Variants in GAB2 observed in about 807,000 individuals in gnomAD.
GAB2 encodes the protein GRB2 associated binding protein 2.
GAB2 carries 26 observed loss-of-function variants against 65.5 expected under a neutral mutation model. The ratio of observed to expected loss-of-function variants is 0.40; its 90% CI spans 0.29 to 0.55. GAB2 has a LOEUF of 0.55. GAB2 is among the 20% of genes least tolerant of loss of function. The pLI is 0.53. For missense variants in GAB2, 884 were observed against 875.8 expected (o/e 1.01, Z -0.12); for synonymous variants, 321 against 329.6 (o/e 0.97, Z 0.28).
At chr11:78,245,629 A>C (rs1865273429) in intron 3 of GAB2, among the ~76,000 whole-genome samples, 1 of 152,218 alleles carries the variant, frequency 6.6e-6, no homozygotes. Flanking sequence ...TGAAAACCTC[A>C]CTAGACATTG....
At chr11:78,262,727 AT>A (rs912602324) in intron 2 of GAB2, among the ~76,000 whole-genome samples, 36 of 152,320 alleles carry the variant, frequency 2.4e-4, no homozygotes, top group African/African-American at 8.7e-4. Flanking sequence ...GGTTTTTAAA[AT>A]TGCAGTCCAA....
At chr11:78,247,498 G>T (rs1865330485) in intron 3 of GAB2, among the ~76,000 whole-genome samples, 1 of 152,110 alleles carries the variant, frequency 6.6e-6, no homozygotes, top group African/African-American at 2.4e-5. Flanking sequence ...TCTCTTTCTA[G>T]ATACTGAGTT....
At chr11:78,301,775 T>C (rs1232612821) in intron 1 of GAB2, among the ~76,000 whole-genome samples, 2 of 152,196 alleles carry the variant, frequency 1.3e-5, no homozygotes, top group Non-Finnish European at 2.9e-5. Context: ...AGGCATCACA[T>C]TACCTGATTT....
At chr11:78,291,553 T>C (rs188546425) in intron 1 of GAB2, among the ~76,000 whole-genome samples, 1 of 101,300 alleles carries the variant, frequency 9.9e-6, no homozygotes, top group East Asian at 2.2e-4. Context: ...ACTTACTTTT[T>C]TCTTTTTCTT....
At chr11:78,344,077 C>A (rs55655125) in intron 1 of GAB2, among the ~76,000 whole-genome samples, 1 of 151,994 alleles carries the variant, frequency 6.6e-6, no homozygotes, top group Non-Finnish European at 1.5e-5. Context: ...CAAGGAGTTA[C>A]AAAGTTTAAC....
At chr11:78,350,028 CTT>C (rs1199484397) in intron 1 of GAB2, among the ~76,000 whole-genome samples, 1 of 152,054 alleles carries the variant, frequency 6.6e-6, no homozygotes, top group African/African-American at 2.4e-5. Context: ...TTCTTATTCT[CTT>C]TGAGTTGGCT....
At chr11:78,242,387 A>G (rs1865158306) in intron 3 of GAB2, among the ~76,000 whole-genome samples, 2 of 152,180 alleles carry the variant, frequency 1.3e-5, no homozygotes, top group Admixed American at 1.3e-4. Flanking sequence ...CTGTAGTCCC[A>G]GCTACACAGG....
intron 1 of GAB2, among the ~76,000 whole-genome samples, chr11:78,407,744 AAGAAAAAG>A (rs1485160112): frequency 6.6e-6 from 1 of 151,580 alleles, no homozygotes; most frequent in African/African-American, 2.4e-5. Context: ...GAAAGAAAGA[AAGAAAAAG>A]AAAGAAAGAA....
At chr11:78,414,087 C>CAAA (rs34915163) in intron 1 of GAB2, among the ~76,000 whole-genome samples, 184 of 83,258 alleles carry the variant, frequency 2.2e-3, no homozygotes, top group Middle Eastern at 6.9e-3. Context: ...AACTCTGTCT[C>CAAA]AAAAAAAAAA....
At chr11:78,324,810 G>T (rs2458640) in intron 1 of GAB2, 85,120 of 152,120 alleles carry the variant, frequency 0.56, 28,669 homozygotes, top group Non-Finnish European at 0.78. Flanking sequence ...TTATGCCTCT[G>T]GATAAAACTC....
At chr11:78,354,326 T>C (rs901599438) in intron 1 of GAB2, among the ~76,000 whole-genome samples, 11 of 152,182 alleles carry the variant, frequency 7.2e-5, no homozygotes, top group African/African-American at 2.7e-4. Flanking sequence ...AAGTATTAAT[T>C]CATAAATTGT....
chr11:78,248,928 C>G (rs1865371053), intron 3 of GAB2, among the ~76,000 whole-genome samples: 1 of 152,198 alleles, frequency 6.6e-6, no homozygotes, highest in African/African-American at 2.4e-5. Flanking sequence ...TTGGCTAACT[C>G]ACTCTATCTT....
intron 1 of GAB2, among the ~76,000 whole-genome samples, chr11:78,414,445 T>G (rs1857167697): frequency 6.6e-6 from 1 of 152,248 alleles, no homozygotes; most frequent in Non-Finnish European, 1.5e-5. Context: ...TCTTATTCCC[T>G]CAATCTTTTA....
At chr11:78,324,830 G>T (rs1460225538) in intron 1 of GAB2, 1 of 152,196 alleles carries the variant, frequency 6.6e-6, no homozygotes, top group Non-Finnish European at 1.5e-5. Context: ...CCCAAAGGAA[G>T]ATGGTCATTT....
chr11:78,300,516 T>TAAAAAAAAAAAAA (rs138790128), intron 1 of GAB2, among the ~76,000 whole-genome samples: 57 of 142,822 alleles, frequency 4.0e-4, no homozygotes, highest in African/African-American at 1.4e-3. Flanking sequence ...TTTAATTTTA[T>TAAAAAAAAAAAAA]AAAAAAACAA....
At chr11:78,268,419 T>A (rs913445651) in intron 2 of GAB2, among the ~76,000 whole-genome samples, 10 of 152,096 alleles carry the variant, frequency 6.6e-5, no homozygotes, top group African/African-American at 2.4e-4. Context: ...TCTTCAGAGG[T>A]CCAAGGTGAC....
intron 1 of GAB2, among the ~76,000 whole-genome samples, chr11:78,292,892 C>T (rs935187621): frequency 1.3e-5 from 2 of 152,138 alleles, no homozygotes; most frequent in African/African-American, 4.8e-5. Context: ...ATAGGATCCT[C>T]TTAACAGGTG....
intron 2 of GAB2, among the ~76,000 whole-genome samples, chr11:78,262,083 G>A (rs1470785203): frequency 6.6e-6 from 1 of 152,106 alleles, no homozygotes; most frequent in African/African-American, 2.4e-5. Context: ...CGTGATCAGC[G>A]GCAATAATCA....
At position 78,383,581 on chromosome 11, in the gene GAB2, C is replaced by CAAAAAAAAAAAAAAAAAA. The variant is rs534814220; in HGVS notation, c.75+34047_75+34064dup. On this transcript the variant is annotated intron_variant, in intron 1 of 9. Transcript: ENST00000361507. Reference sequence around the variant, plus strand: ...GCAACATGGCAAAACCCTGTCTCTCCAAAAAAAAAAAAAAAAAAATACAAA... The same window carrying CAAAAAAAAAAAAAAAAAA: ...GCAACATGGCAAAACCCTGTCTCTCCAAAAAAAAAAAAAAAAAAAAAAAAAAAAAAAAAAAAATACAAA... Among the ~76,000 whole-genome samples, 272 of 55,486 alleles carry CAAAAAAAAAAAAAAAAAA rather than the reference C, an allele frequency of 4.9e-3. 11 individuals carry two copies. The highest frequency in any genetic ancestry group is 0.011 in the African/African-American group (165 of 15,516). 36.4% of individuals were successfully genotyped at this position (55,486 alleles called of 152,430 possible). A position where few individuals can be genotyped will look rare whatever the true frequency, so the allele number is the denominator to read the frequency against.
Sources: allele counts gnomAD v4.1 joint callset (sites outside exome capture counted in the v4.1 genomes callset), GRCh38; gene constraint gnomAD v4.1.1; transcripts MANE v1.5; gene names NCBI Gene and HGNC (gene_info 2026-07-23, HGNC 2026-07-21).